IFNG: variants seen among roughly 807,000 people sequenced by gnomAD.
IFNG encodes IFN-gamma.
Under a neutral mutation model 14.4 loss-of-function variants are expected in IFNG, and 8 were observed. The observed-to-expected ratio is 0.56, with a 90% CI of 0.33 to 1.00. The LOEUF (loss-of-function observed/expected upper bound fraction) is 1.00. IFNG is among the 50% of genes least tolerant of loss of function. The pLI, the probability that IFNG is intolerant of heterozygous loss-of-function variation, is 0.03. For missense variants in IFNG, 132 were observed against 194.9 expected (o/e 0.68, Z 1.92); for synonymous variants, 73 against 65.4 (o/e 1.12, Z -0.56).
chr12:68,159,597 T>C lies in IFNG; in HGVS notation c.19A>G (p.Ile7Val). 1 of 1,590,238 alleles carries C rather than the reference T, an allele frequency of 6.3e-7. No individual in the cohort carries two copies. ...ACGATGCAGAGCTGAAAAGCCAAGA[T>C]ATAACTTGTATATTTCATCGTTTCC... MKYTSY[I>V]LAFQLCIVLG... is the part of the protein sequence containing the mutation. Residue 7 changes from isoleucine (I) to valine (V), a missense_variant, in exon 1 of 4, where the codon ATC (isoleucine) becomes GTC (valine). Physicochemically the swap from Ile to Val is conservative, Grantham distance 29. Transcript: ENST00000229135.
intron 1 of IFNG, among the ~76,000 whole-genome samples, chr12:68,158,675 T>A (rs1882639602): frequency 6.6e-6 from 1 of 151,910 alleles, no homozygotes; most frequent in East Asian, 1.9e-4. Flanking sequence ...TGTAGGGTAT[T>A]ATTATACGAG....
rs777184633 is a variant in IFNG at position 68,159,492 on chromosome 12, T to C, written c.114+10A>G. 4.4e-6 allele frequency: 6 copies of C among 1,375,804 alleles called. No homozygotes were observed. The South Asian group carries it at 7.3e-5, about 17-fold the overall frequency. The allele number at this position is 1,375,804 out of a possible 1,614,324, so 85.2% of individuals were successfully genotyped here. A position where few individuals can be genotyped will look rare whatever the true frequency, so the allele number is the denominator to read the frequency against. On this transcript the variant is annotated intron_variant, in intron 1 of 3. Coordinates refer to ENST00000229135, the MANE Select transcript of IFNG (RefSeq NM_000619.3). The stretch of plus-strand genomic sequence containing the variant: ...ACCACAAACAAGTACTATTAAAAAG[T>C]CATACTTACAAAATATTTCTTAAGG...
chr12:68,155,596 A>G, intron 3 of IFNG, 109 bp from the exon 4 acceptor site: 1 of 916,838 alleles, frequency 1.1e-6, no homozygotes, highest in Non-Finnish European at 1.6e-6. Flanking sequence ...TAAAAAATGG[A>G]CCGTATTACC....
chr12:68,155,365 T>C lies in IFNG; in HGVS notation c.489A>G (p.Arg163=). Residue 163 remains arginine (R), a synonymous_variant, in exon 4 of 4, where the codon AGA becomes AGG. Coordinates refer to ENST00000229135, the MANE Select transcript of IFNG (RefSeq NM_000619.3). ...GGCAGGACAACCATTACTGGGATGC[T>C]CTTCGACCTCGAAACAGCATCTGAC... is the stretch of plus-strand genomic sequence containing the variant. ...KRSQMLFRGR[R]ASQ is the part of the protein sequence containing the mutation. The C allele has an allele frequency of 6.2e-7, 1 of 1,608,966 alleles. No homozygotes were observed. The highest frequency in any genetic ancestry group is 8.5e-7 in the Non-Finnish European group (1 of 1,177,202).
intron 3 of IFNG, among the ~76,000 whole-genome samples, chr12:68,155,760 A>G (rs1882591420): frequency 6.6e-6 from 1 of 152,168 alleles, no homozygotes; most frequent in Non-Finnish European, 1.5e-5. Flanking sequence ...CTGGTTGTGG[A>G]GTCAGCATAA....
At chr12:68,158,169 C>A (rs1882630047) in intron 2 of IFNG, 22 bp downstream of exon 2, 1 of 1,599,884 alleles carries the variant, frequency 6.3e-7, no homozygotes, top group Admixed American at 1.7e-5. Context: ...GAAAATTAGC[C>A]AAATGGGAAT....
At chr12:68,158,280 A>T (rs1284558809) in intron 1 of IFNG, 21 bp from the exon 2 acceptor site, 2 of 1,551,494 alleles carry the variant, frequency 1.3e-6, no homozygotes, top group Non-Finnish European at 1.7e-6. Context: ...AAAAAGAAAA[A>T]ATTGGTTTAC....
At chr12:68,157,451 C>A (rs547552441) in intron 3 of IFNG, among the ~76,000 whole-genome samples, 14 of 152,256 alleles carry the variant, frequency 9.2e-5, no homozygotes, top group Admixed American at 9.2e-4. Context: ...GGAAACTGAG[C>A]CCCAGCCAGC....
At chr12:68,159,193 C>G (rs1361787493) in intron 1 of IFNG, among the ~76,000 whole-genome samples, 9 of 152,128 alleles carry the variant, frequency 5.9e-5, no homozygotes, top group Non-Finnish European at 1.3e-4. Flanking sequence ...TCTGCATACT[C>G]CTTGACTATC....
At position 68,158,037 on chromosome 12, in the gene IFNG, T is replaced by C; in HGVS notation, c.242A>G (p.Lys81Arg). 6.2e-7 allele frequency: 1 copy of C among 1,609,488 alleles called. No individual in the cohort carries two copies. The highest frequency in any genetic ancestry group is 8.5e-7 in the Non-Finnish European group (1 of 1,177,218). ...GATGCTCTGGTCATCTTTAAAGTTTTTAAAAAGTTTGAAGTAAAAGGAGAC... is the reference window on the plus strand; with the variant it reads ...GATGCTCTGGTCATCTTTAAAGTTTCTAAAAAGTTTGAAGTAAAAGGAGAC... ...QIVSFYFKLF[K>R]NFKDDQSIQK... The change falls in exon 3 of 4, where the codon AAA becomes AGA. Residue 81 changes from lysine (K) to arginine (R), a missense_variant. Lys to Arg is a conservative substitution (Grantham distance 26). Transcript: ENST00000229135.
intron 1 of IFNG, among the ~76,000 whole-genome samples, chr12:68,158,682 C>T (rs1219645996): frequency 1.3e-5 from 2 of 151,142 alleles, no homozygotes; most frequent in Non-Finnish European, 2.9e-5. Context: ...TATTATTATA[C>T]GAGCTTTAAA....
Position 68,155,019 on chromosome 12 carries a change from T to A in IFNG, c.*334A>T, listed in dbSNP as rs1882578845. 6.2e-6 allele frequency: 1 copy of A among 162,218 alleles called. No individual in the cohort carries two copies. The highest frequency in any genetic ancestry group is 2.4e-5 in the African/African-American group (1 of 41,678). The allele number at this position is 162,218 out of a possible 1,614,324, so 10.0% of individuals were successfully genotyped here. On this transcript the variant is annotated 3_prime_UTR_variant, in exon 4 of 4. Transcript: ENST00000229135. ...AGTAACTGGATAGTATCACTTCACT[T>A]ATAAGTGTTCATTGTATCATCAAGT... is the stretch of plus-strand genomic sequence containing the variant.
At position 68,155,322 on chromosome 12, in the gene IFNG, T is replaced by C. The variant is rs745892612; in HGVS notation, c.*31A>G. 2 of 1,510,506 alleles carry C rather than the reference T, an allele frequency of 1.3e-6. No individual in the cohort carries two copies. The highest frequency in any genetic ancestry group is 2.6e-5 in the South Asian group (2 of 76,470). 93.6% of individuals were successfully genotyped at this position (1,510,506 alleles called of 1,614,324 possible). On this transcript the variant is annotated 3_prime_UTR_variant, in exon 4 of 4. Transcript: ENST00000229135. ...AAATATTAATAAATAGATTTAGATTTAAAATTCAAATATTGCAGGCAGGAC... is the reference window on the plus strand; with the variant it reads ...AAATATTAATAAATAGATTTAGATTCAAAATTCAAATATTGCAGGCAGGAC...
chr12:68,159,566 C>T lies in IFNG; in HGVS notation c.50G>A (p.Gly17Asp). 1 of 1,606,628 alleles carries T rather than the reference C, an allele frequency of 6.2e-7. No homozygotes were observed. Among genetic ancestry groups the T allele is most frequent in the Non-Finnish European group, 8.5e-7 (1 of 1,175,168 alleles). Reference protein sequence around the residue: ...ILAFQLCIVLGSLGCYCQDPY... With the variant: ...ILAFQLCIVLDSLGCYCQDPY... Reference sequence around the variant, plus strand: ...GTCCTGGCAGTAACAGCCAAGAGAACCCAAAACGATGCAGAGCTGAAAAGC... The same window carrying T: ...GTCCTGGCAGTAACAGCCAAGAGAATCCAAAACGATGCAGAGCTGAAAAGC... The change falls in exon 1 of 4, where the codon GGT becomes GAT. Residue 17 changes from glycine to aspartate, a missense_variant. Transcript: ENST00000229135.
chr12:68,156,809 A>G (rs1318829867), intron 3 of IFNG, among the ~76,000 whole-genome samples: 6 of 152,122 alleles, frequency 3.9e-5, no homozygotes, highest in African/African-American at 1.4e-4. Flanking sequence ...ACAAGTGCTG[A>G]GTGTCTAGTT....
chr12:68,157,308 C>A (rs1222299959), intron 3 of IFNG, among the ~76,000 whole-genome samples: 1 of 152,118 alleles, frequency 6.6e-6, no homozygotes, highest in Non-Finnish European at 1.5e-5. Context: ...AGTGGGGTGT[C>A]CCTGGTACCT....
chr12:68,159,580 G>C lies in IFNG; in HGVS notation c.36C>G (p.Leu12=). The change falls in exon 1 of 4, where the codon CTC becomes CTG. Residue 12 remains leucine (L), a synonymous_variant. Coordinates refer to ENST00000229135, the MANE Select transcript of IFNG (RefSeq NM_000619.3). ...KYTSYILAFQ[L]CIVLGSLGCY... ...AGCCAAGAGAACCCAAAACGATGCA[G>C]AGCTGAAAAGCCAAGATATAACTTG... The C allele has an allele frequency of 6.2e-7, 1 of 1,604,434 alleles. No homozygotes were observed. The highest frequency in any genetic ancestry group is 8.5e-7 in the Non-Finnish European group (1 of 1,173,298).
intron 3 of IFNG, 82 bp from the exon 4 acceptor site, chr12:68,155,569 A>G (rs1882588490): frequency 1.5e-6 from 2 of 1,292,624 alleles, no homozygotes; most frequent in South Asian, 1.6e-5. Context: ...TGGTCAGTGA[A>G]AATAAAAGTA....
At chr12:68,159,457 G>T in intron 1 of IFNG, 45 bp downstream of exon 1, 1 of 894,804 alleles carries the variant, frequency 1.1e-6, no homozygotes, top group Non-Finnish European at 1.8e-6. Flanking sequence ...TCGATATTCA[G>T]TCATTTTCAA....
Sources: gnomAD v4.1 joint callset for allele counts (sites outside exome capture counted in the v4.1 genomes callset) on GRCh38, gnomAD v4.1.1 for gene constraint, MANE v1.5 for transcripts, NCBI Gene and HGNC (gene_info 2026-07-23, HGNC 2026-07-21) for gene names.